The following IMPG1 variants were observed in gnomAD, a reference collection of about 807,000 sequenced individuals.
The protein encoded by IMPG1 is interphotoreceptor matrix proteoglycan of 150 kDa.
In IMPG1, 85 loss-of-function variants were observed where a neutral mutation model predicts 92.0. The ratio of observed to expected loss-of-function variants is 0.92; its 90% CI spans 0.78 to 1.11. IMPG1 has a LOEUF of 1.11. Among genes scored for constraint, IMPG1 ranks in the 50% least tolerant of loss-of-function variants. The pLI is 0.00. For synonymous variants in IMPG1, 367 were observed against 334.1 expected (o/e 1.10, Z -1.08); for missense variants, 1,022 against 956.0 (o/e 1.07, Z -0.91).
At chr6:75,972,413 C>T (rs908073205) in intron 12 of IMPG1, among the ~76,000 whole-genome samples, 2 of 151,848 alleles carry the variant, frequency 1.3e-5, no homozygotes, top group Non-Finnish European at 2.9e-5. Flanking sequence ...CCATCCCAAC[C>T]CTTTTGTTTT....
chr6:76,056,459 C>T (rs1012432008), intron 1 of IMPG1, among the ~76,000 whole-genome samples: 1 of 152,212 alleles, frequency 6.6e-6, no homozygotes, highest in Middle Eastern at 3.4e-3. Flanking sequence ...GAGTTGTTCC[C>T]ATGTCTTGGC....
intron 12 of IMPG1, among the ~76,000 whole-genome samples, chr6:75,975,620 T>C (rs1374012150): frequency 3.9e-5 from 6 of 152,236 alleles, no homozygotes; most frequent in African/African-American, 1.4e-4. Context: ...CGATTTTCCT[T>C]CTGTGAAAGA....
At chr6:76,029,694 T>C (rs1431776909) in intron 4 of IMPG1, among the ~76,000 whole-genome samples, 13 of 152,090 alleles carry the variant, frequency 8.5e-5, no homozygotes, top group Non-Finnish European at 2.9e-5. Flanking sequence ...GGTGATGGAA[T>C]AAATAGGGAA....
At chr6:75,971,949 T>C (rs1782426559) in intron 12 of IMPG1, among the ~76,000 whole-genome samples, 1 of 152,228 alleles carries the variant, frequency 6.6e-6, no homozygotes, top group African/African-American at 2.4e-5. Context: ...CTGGTTGTAA[T>C]ATCTTACTTG....
intron 12 of IMPG1, among the ~76,000 whole-genome samples, chr6:75,987,715 G>A (rs900014450): frequency 6.0e-5 from 9 of 149,352 alleles, no homozygotes; most frequent in East Asian, 2.0e-4. Flanking sequence ...TGCGATCTCC[G>A]CTCACTGCAA....
intron 4 of IMPG1, among the ~76,000 whole-genome samples, chr6:76,029,670 TG>T (rs573437421): frequency 1.7e-3 from 264 of 152,308 alleles, no homozygotes; most frequent in African/African-American, 5.7e-3. Context: ...GCAATTATCC[TG>T]CAAATCCTGC....
chr6:76,019,313 CA>C (rs1783374872), intron 6 of IMPG1, among the ~76,000 whole-genome samples: 1 of 152,196 alleles, frequency 6.6e-6, no homozygotes, highest in South Asian at 2.1e-4. Flanking sequence ...AGCTCAGTTT[CA>C]AACTTGGGTT....
intron 12 of IMPG1, among the ~76,000 whole-genome samples, chr6:75,970,938 TA>T (rs1276114451): frequency 6.6e-6 from 1 of 152,116 alleles, no homozygotes; most frequent in African/African-American, 2.4e-5. Context: ...GAACTAGAAA[TA>T]CCATTTGACC....
intron 12 of IMPG1, 113 bp downstream of exon 12, chr6:76,002,805 A>G (rs547409529): frequency 1.3e-6 from 1 of 783,624 alleles, no homozygotes; most frequent in African/African-American, 1.7e-5. Flanking sequence ...GTGGCAGTGA[A>G]CCTTTTCCTG....
chr6:75,974,404 C>CTTTCCTTCCTTCCTTCCTTCCTTT (rs1562354924), intron 12 of IMPG1, among the ~76,000 whole-genome samples: 1 of 107,976 alleles, frequency 9.3e-6, no homozygotes, highest in Non-Finnish European at 1.9e-5. Flanking sequence ...TTCTTTCTTT[C>CTTTCCTTCCTTCCTTCCTTCCTTT]CTTCCTTCCT....
intron 4 of IMPG1, among the ~76,000 whole-genome samples, chr6:76,026,764 T>C (rs960187170): frequency 4.6e-5 from 7 of 152,224 alleles, no homozygotes; most frequent in African/African-American, 1.4e-4. Context: ...TAAAGTTCTT[T>C]TTCCCCTTTA....
At chr6:76,009,536 G>T (rs553006252) in intron 8 of IMPG1, among the ~76,000 whole-genome samples, 1 of 152,256 alleles carries the variant, frequency 6.6e-6, no homozygotes, top group Non-Finnish European at 1.5e-5. Context: ...TTACAATTTT[G>T]CCACTGTCAT....
chr6:75,955,869 T>A (rs62414830), intron 12 of IMPG1, among the ~76,000 whole-genome samples: 24,960 of 152,262 alleles, frequency 0.16, 2,476 homozygotes, highest in Admixed American at 0.23. Flanking sequence ...ATGTAGCTTT[T>A]GTCATTGGTT....
At chr6:75,961,845 A>G (rs1342059416) in intron 12 of IMPG1, among the ~76,000 whole-genome samples, 1 of 152,178 alleles carries the variant, frequency 6.6e-6, no homozygotes, top group Non-Finnish European at 1.5e-5. Context: ...AGACATTTTC[A>G]AGCACACAGT....
At chr6:76,062,872 TC>T (rs1439733869) in intron 1 of IMPG1, among the ~76,000 whole-genome samples, 2 of 112,118 alleles carry the variant, frequency 1.8e-5, no homozygotes, top group South Asian at 3.1e-4. Context: ...TTTTTTTTTT[TC>T]CCCTAGTATG....
Position 75,921,183 on chromosome 6 carries a change from AAGAGAT to A in IMPG1, c.*900_*905del, listed in dbSNP as rs1001440003. On this transcript the variant is annotated 3_prime_UTR_variant, in exon 17 of 17. Transcript: ENST00000369950. ...ATATATCTGATATTAGAACATTTGA[AAGAGAT>A]AGAGACAGATTCATTTTCATTAAGC... 9.3e-5 allele frequency: 14 copies of A among 151,092 alleles called. No homozygotes were observed. The highest frequency in any genetic ancestry group is 1.9e-4 in the Non-Finnish European group (13 of 68,034). The allele number at this position is 151,092 out of a possible 1,614,324, so 9.4% of individuals were successfully genotyped here. A position where few individuals can be genotyped will look rare whatever the true frequency, so the allele number is the denominator to read the frequency against.
chr6:75,982,569 CTATATAGA>C (rs1160858419), intron 12 of IMPG1, among the ~76,000 whole-genome samples: 2 of 148,046 alleles, frequency 1.4e-5, no homozygotes, highest in Admixed American at 6.8e-5. Context: ...ATCTATATAT[CTATATAGA>C]TATATATAGA....
intron 4 of IMPG1, among the ~76,000 whole-genome samples, chr6:76,030,045 G>C (rs1783627580): frequency 6.6e-6 from 1 of 152,192 alleles, no homozygotes; most frequent in Non-Finnish European, 1.5e-5. Context: ...GCACAGTGCA[G>C]GTGAGCATGG....
intron 1 of IMPG1, among the ~76,000 whole-genome samples, chr6:76,046,441 C>T (rs1056797681): frequency 6.6e-5 from 10 of 152,194 alleles, no homozygotes; most frequent in African/African-American, 2.4e-4. Context: ...TTTGAATATT[C>T]AGAACTTCTA....
Sources: allele counts gnomAD v4.1 joint callset (sites outside exome capture counted in the v4.1 genomes callset), GRCh38; gene constraint gnomAD v4.1.1; transcripts MANE v1.5; gene names NCBI Gene and HGNC (gene_info 2026-07-23, HGNC 2026-07-21).